The following TLCD4 variants were observed in gnomAD, a reference collection of about 807,000 sequenced individuals.
The protein encoded by TLCD4 is TLC domain containing 4.
A neutral mutation model predicts 24.2 loss-of-function variants in TLCD4; 7 were observed. That is an observed-to-expected ratio of 0.29 (90% CI 0.16 to 0.54). TLCD4 has a LOEUF of 0.54. Ranked by LOEUF, TLCD4 falls within the 20% of genes least tolerant of loss-of-function variation. The pLI is 0.95. For synonymous variants in TLCD4, 103 were observed against 106.4 expected (o/e 0.97, Z 0.20); for missense variants, 259 against 313.9 (o/e 0.82, Z 1.32).
chr1:95,181,036 G>T (rs1420289947), intron 6 of TLCD4, among the ~76,000 whole-genome samples: 3 of 152,206 alleles, frequency 2.0e-5, no homozygotes, highest in Non-Finnish European at 2.9e-5. Context: ...GGTGGAGGTT[G>T]CAGTGAGCCG....
the TLCD4 span, among the ~76,000 whole-genome samples, chr1:95,110,879 A>G: frequency 1.3e-5 from 2 of 152,058 alleles, no homozygotes; most frequent in Admixed American, 6.6e-5. Context: ...AAAAAAAAAA[A>G]AAAAAGGATC....
chr1:95,099,086 A>G, the TLCD4 span, among the ~76,000 whole-genome samples: 1 of 139,688 alleles, frequency 7.2e-6, no homozygotes, highest in Non-Finnish European at 1.5e-5. Context: ...GAACAGGGTA[A>G]TGATGTTTCT....
At chr1:95,130,464 T>C (rs563112959) in intron 1 of TLCD4, among the ~76,000 whole-genome samples, 2 of 152,338 alleles carry the variant, frequency 1.3e-5, no homozygotes, top group South Asian at 4.1e-4. Context: ...ACAGTTATTC[T>C]TTACTAAAAT....
At chr1:95,180,325 A>G (rs1219825305) in intron 6 of TLCD4, among the ~76,000 whole-genome samples, 1 of 151,440 alleles carries the variant, frequency 6.6e-6, no homozygotes, top group African/African-American at 2.5e-5. Flanking sequence ...ATAAAAACTT[A>G]TACTGTACCT....
chr1:95,147,906 A>G (rs1490705399), intron 2 of TLCD4, among the ~76,000 whole-genome samples: 1 of 152,196 alleles, frequency 6.6e-6, no homozygotes, highest in African/African-American at 2.4e-5. Flanking sequence ...TAGTCACATC[A>G]TTAAATTTAT....
At chr1:95,142,741 G>C (rs926176915) in intron 1 of TLCD4, among the ~76,000 whole-genome samples, 1 of 152,088 alleles carries the variant, frequency 6.6e-6, no homozygotes, top group Non-Finnish European at 1.5e-5. Flanking sequence ...CACGAGGTCA[G>C]GAGTTCAAGA....
At chr1:95,188,809 G>GCCC (rs1678923354) in intron 6 of TLCD4, among the ~76,000 whole-genome samples, 1 of 152,056 alleles carries the variant, frequency 6.6e-6, no homozygotes, top group African/African-American at 2.4e-5. Flanking sequence ...TCTGTTCCCA[G>GCCC]CCCTCAAATC....
chr1:95,149,458 G>T (rs1419564417), intron 3 of TLCD4, among the ~76,000 whole-genome samples: 1 of 152,100 alleles, frequency 6.6e-6, no homozygotes, highest in Non-Finnish European at 1.5e-5. Context: ...TGTGGGCTCC[G>T]GGGGATGTAG....
the TLCD4 span, among the ~76,000 whole-genome samples, chr1:95,111,293 TAAAAC>T: frequency 4.1e-5 from 6 of 145,010 alleles, no homozygotes; most frequent in African/African-American, 7.7e-5. Flanking sequence ...TTGTGTCTCT[TAAAAC>T]AAAACAAAAC....
intron 6 of TLCD4, among the ~76,000 whole-genome samples, chr1:95,178,632 C>G (rs760360027): frequency 5.8e-4 from 75 of 128,770 alleles, no homozygotes; most frequent in Middle Eastern, 0.013. Flanking sequence ...TGGGTGACTT[C>G]TTTCCTCCCA....
chr1:95,165,609 G>A (rs1307848710), intron 5 of TLCD4, among the ~76,000 whole-genome samples: 1 of 152,028 alleles, frequency 6.6e-6, no homozygotes, highest in Non-Finnish European at 1.5e-5. Flanking sequence ...GGGATTACCG[G>A]CACCTGCCAC....
At chr1:95,139,174 CAAAA>C (rs71097248) in intron 1 of TLCD4, among the ~76,000 whole-genome samples, 3 of 76,806 alleles carry the variant, frequency 3.9e-5, no homozygotes, top group African/African-American at 1.3e-4. Context: ...GAACCTGTGT[CAAAA>C]AAAAAAAAAA....
intron 1 of TLCD4, among the ~76,000 whole-genome samples, chr1:95,139,533 A>G (rs1489768167): frequency 8.0e-6 from 1 of 125,284 alleles, no homozygotes; most frequent in Non-Finnish European, 1.6e-5. Context: ...ATCTTGGCTC[A>G]CTCCAGCCTC....
At chr1:95,124,472 C>T (rs1358765720) in intron 1 of TLCD4, among the ~76,000 whole-genome samples, 1 of 152,174 alleles carries the variant, frequency 6.6e-6, no homozygotes, top group Non-Finnish European at 1.5e-5. Flanking sequence ...GAACAACCTT[C>T]CCAGTATCTT....
intron 1 of TLCD4, among the ~76,000 whole-genome samples, chr1:95,118,449 C>A (rs530527552): frequency 6.6e-6 from 1 of 152,116 alleles, no homozygotes; most frequent in Non-Finnish European, 1.5e-5. Context: ...GTGGTGCACA[C>A]TTTTATATGA....
chr1:95,145,732 G>A (rs1677325959), intron 2 of TLCD4, among the ~76,000 whole-genome samples: 1 of 152,126 alleles, frequency 6.6e-6, no homozygotes, highest in African/African-American at 2.4e-5. Context: ...GTAGCTGCAA[G>A]TCAGAGAAAT....
rs189076762 is a variant in TLCD4 at position 95,157,793 on chromosome 1, G to A, written c.399+6374G>A. Among the ~76,000 whole-genome samples, 8 of 152,282 alleles carry A rather than the reference G, an allele frequency of 5.3e-5. No individual in the cohort carries two copies. In the East Asian group the frequency reaches 1.2e-3, roughly 22 times the overall value. The stretch of plus-strand genomic sequence containing the variant: ...GTTCCAAGAGACCCAGGAGGAAGCC[G>A]CAAGACTTCTTAGGACCTGGCTTCA... On this transcript the variant is annotated intron_variant, in intron 5 of 6. Coordinates refer to ENST00000370203, the MANE Select transcript of TLCD4 (RefSeq NM_152487.3).
the TLCD4 span, among the ~76,000 whole-genome samples, chr1:95,105,490 G>A: frequency 6.6e-6 from 1 of 152,160 alleles, no homozygotes; most frequent in Non-Finnish European, 1.5e-5. Flanking sequence ...TGATAATTAG[G>A]CACTTGTCCA....
the TLCD4 span, among the ~76,000 whole-genome samples, chr1:95,105,016 T>C: frequency 2.0e-5 from 3 of 152,066 alleles, no homozygotes; most frequent in Admixed American, 2.0e-4. Context: ...AGTGAGACTC[T>C]GACTCAATAA....
Sources: gnomAD v4.1 joint callset for allele counts (sites outside exome capture counted in the v4.1 genomes callset) on GRCh38, gnomAD v4.1.1 for gene constraint, MANE v1.5 for transcripts, NCBI Gene and HGNC (gene_info 2026-07-23, HGNC 2026-07-21) for gene names.